The following REDIC1 variants were observed in gnomAD, a reference collection of about 807,000 sequenced individuals.
REDIC1 encodes the protein HEI10 Interacting Protein 1.
the REDIC1 span, chr12:39,755,722 G>C: frequency 6.6e-6 from 1 of 152,056 alleles, no homozygotes; most frequent in Non-Finnish European, 1.5e-5. Context: ...AAATAAAAAT[G>C]TGAATATTAC....
At chr12:39,725,725 C>T in the REDIC1 span, among the ~76,000 whole-genome samples, 1 of 151,212 alleles carries the variant, frequency 6.6e-6, no homozygotes, top group Non-Finnish European at 1.5e-5. Flanking sequence ...TGTATTTATT[C>T]ATGTATATTT....
chr12:39,712,699 GTATATA>G, the REDIC1 span, among the ~76,000 whole-genome samples: 3 of 4,088 alleles, frequency 7.3e-4, no homozygotes, highest in African/African-American at 1.9e-3. Flanking sequence ...ACGTATACGT[GTATATA>G]TGTATATAGA....
chr12:39,749,792 T>C, the REDIC1 span, among the ~76,000 whole-genome samples: 19 of 151,838 alleles, frequency 1.3e-4, no homozygotes, highest in African/African-American at 4.3e-4. Context: ...TAATCCAGCA[T>C]ATAAACAGAA....
At chr12:39,850,466 G>A in the REDIC1 span, among the ~76,000 whole-genome samples, 2 of 152,056 alleles carry the variant, frequency 1.3e-5, no homozygotes, top group African/African-American at 2.4e-5. Context: ...GCTATAACAA[G>A]CAATAATACT....
chr12:39,630,771 A>T, the REDIC1 span, among the ~76,000 whole-genome samples: 12 of 152,316 alleles, frequency 7.9e-5, 1 homozygote, highest in Admixed American at 7.8e-4. Context: ...GTTGGAGATA[A>T]TGTCTGCATA....
chr12:39,745,404 G>T, the REDIC1 span, among the ~76,000 whole-genome samples: 1 of 150,416 alleles, frequency 6.6e-6, no homozygotes, highest in Non-Finnish European at 1.5e-5. Context: ...TCTTAATTCA[G>T]ATTTATAAAG....
chr12:39,830,017 T>C, the REDIC1 span: 2 of 1,544,578 alleles, frequency 1.3e-6, no homozygotes, highest in Non-Finnish European at 1.8e-6. Flanking sequence ...AAAGAACTGC[T>C]ATAAGTGCAA....
At chr12:39,753,892 CA>C in the REDIC1 span, among the ~76,000 whole-genome samples, 22 of 152,064 alleles carry the variant, frequency 1.4e-4, no homozygotes, top group Non-Finnish European at 3.2e-4. Context: ...GGTTACTAGG[CA>C]GTAAGTTGAA....
At chr12:39,764,499 G>C in the REDIC1 span, 4 of 1,607,906 alleles carry the variant, frequency 2.5e-6, no homozygotes, top group Non-Finnish European at 3.4e-6. Context: ...AAAAATGTTA[G>C]TGAAACCAGG....
At chr12:39,669,982 T>G in the REDIC1 span, among the ~76,000 whole-genome samples, 1 of 152,220 alleles carries the variant, frequency 6.6e-6, no homozygotes, top group Non-Finnish European at 1.5e-5. Flanking sequence ...GGGAATTCCC[T>G]GATCCCTTGC....
chr12:39,626,256 C>T, the REDIC1 span: 1 of 1,534,724 alleles, frequency 6.5e-7, no homozygotes, highest in Non-Finnish European at 9.0e-7. Context: ...CTGGGGGATC[C>T]TGCTGAAGCT....
At chr12:39,722,836 T>G in the REDIC1 span, among the ~76,000 whole-genome samples, 1 of 152,174 alleles carries the variant, frequency 6.6e-6, no homozygotes, top group Non-Finnish European at 1.5e-5. Flanking sequence ...TCTTGGCTTC[T>G]GGGAGGTAAC....
the REDIC1 span, among the ~76,000 whole-genome samples, chr12:39,809,951 A>G: frequency 7.2e-5 from 11 of 152,210 alleles, no homozygotes; most frequent in Admixed American, 7.2e-4. Context: ...TATTGTGAAT[A>G]GTGCCGCAAT....
the REDIC1 span, among the ~76,000 whole-genome samples, chr12:39,675,620 A>G: frequency 6.6e-6 from 1 of 152,236 alleles, no homozygotes. Context: ...TGTTCATGTG[A>G]CAACTTCACT....
chr12:39,667,716 T>C, the REDIC1 span, among the ~76,000 whole-genome samples: 2 of 152,174 alleles, frequency 1.3e-5, no homozygotes, highest in African/African-American at 4.8e-5. Context: ...TCTTTCTAGG[T>C]CTCTAATGAC....
At chr12:39,825,761 A>G in the REDIC1 span, among the ~76,000 whole-genome samples, 1 of 152,072 alleles carries the variant, frequency 6.6e-6, no homozygotes, top group Admixed American at 6.6e-5. Context: ...TTCTTTAAGA[A>G]CTTTTATTTT....
chr12:39,820,463 T>C, the REDIC1 span, among the ~76,000 whole-genome samples: 1,619 of 152,268 alleles, frequency 0.011, 16 homozygotes, highest in Middle Eastern at 0.044. Flanking sequence ...ACTACACAAG[T>C]TGTAAACCCA....
At chr12:39,683,161 A>C in the REDIC1 span, 15 of 1,546,482 alleles carry the variant, frequency 9.7e-6, no homozygotes, top group East Asian at 3.4e-4. Flanking sequence ...TACATGGAAA[A>C]TGTAATTACA....
At chr12:39,751,974 C>T in the REDIC1 span, among the ~76,000 whole-genome samples, 1 of 152,134 alleles carries the variant, frequency 6.6e-6, no homozygotes, top group African/African-American at 2.4e-5. Context: ...ATGGGTGCAG[C>T]ACACCAGCAT....
Sources: allele counts gnomAD v4.1 joint callset (sites outside exome capture counted in the v4.1 genomes callset), GRCh38; gene constraint gnomAD v4.1.1; transcripts MANE v1.5; gene names NCBI Gene and HGNC (gene_info 2026-07-23, HGNC 2026-07-21).